GNA11: variants seen among roughly 807,000 people sequenced by gnomAD.
GNA11 encodes the protein G protein subunit alpha 11.
In GNA11, 8 loss-of-function variants were observed where a neutral mutation model predicts 38.2. The observed-to-expected ratio is 0.21, with a 90% CI of 0.12 to 0.38. The LOEUF is 0.38. Ranked by LOEUF, GNA11 falls within the 10% of genes least tolerant of loss-of-function variation. The pLI, the probability that GNA11 is intolerant of heterozygous loss-of-function variation, is 1.00. For missense variants in GNA11, 268 were observed against 516.3 expected (o/e 0.52, Z 4.66); for synonymous variants, 211 against 221.4 (o/e 0.95, Z 0.42).
intron 1 of GNA11, among the ~76,000 whole-genome samples, chr19:3,101,884 A>G (rs1365352890): frequency 6.6e-6 from 1 of 152,154 alleles, no homozygotes; most frequent in African/African-American, 2.4e-5. Context: ...ACTCAAGTCC[A>G]GGAGTTCGAG....
rs766426049 is a variant in GNA11, at chr19:3,118,925, A to T, written c.607A>T (p.Met203Leu). 2 of 1,613,724 alleles carry T rather than the reference A, an allele frequency of 1.2e-6. No homozygotes were observed. The highest frequency in any genetic ancestry group is 2.2e-5 in the East Asian group (1 of 44,870). Residue 203 changes from methionine to leucine, a missense_variant and splice_region_variant, in exon 5 of 7, where the codon ATG (methionine) becomes TTG (leucine). Physicochemically the swap from Met to Leu is conservative, Grantham distance 15. Transcript: ENST00000078429. ...AGTCCTGGCGCTGTGTCCTTTCAGGATGGTGGATGTGGGGGGCCAGCGGTC... is the reference window on the plus strand; with the variant it reads ...AGTCCTGGCGCTGTGTCCTTTCAGGTTGGTGGATGTGGGGGGCCAGCGGTC... ...PFDLENIIFR[M>L]VDVGGQRSER...
At chr19:3,114,523 G>A (rs540341597) in intron 3 of GNA11, among the ~76,000 whole-genome samples, 178 of 152,278 alleles carry the variant, frequency 1.2e-3, no homozygotes, top group African/African-American at 4.1e-3. Context: ...AGCCTCTGCA[G>A]CTGCGACTCT....
In GNA11 at chr19:3,121,511, C is replaced by T. The variant is rs1426186720; in HGVS notation, c.*332C>T. On this transcript the variant is annotated 3_prime_UTR_variant, in exon 7 of 7. Transcript: ENST00000078429. Reference sequence around the variant, plus strand: ...AGCAACGAAACATAAAACACACAAGCGCCCCGTGCCCCCAGTGACTCTGGG... The same window carrying T: ...AGCAACGAAACATAAAACACACAAGTGCCCCGTGCCCCCAGTGACTCTGGG... The T allele has an allele frequency of 1.3e-5, 3 of 235,498 alleles. No individual in the cohort carries two copies. Among genetic ancestry groups the T allele is most frequent in the Non-Finnish European group, 8.3e-6 (1 of 120,210 alleles). 14.6% of individuals were successfully genotyped at this position (235,498 alleles called of 1,614,324 possible).
chr19:3,112,032 C>T (rs1288272583), intron 2 of GNA11, among the ~76,000 whole-genome samples: 1 of 152,202 alleles, frequency 6.6e-6, no homozygotes, highest in Non-Finnish European at 1.5e-5. Flanking sequence ...CTGATTTTGT[C>T]GATAAAGTTT....
At chr19:3,105,933 C>G (rs78555770) in intron 1 of GNA11, among the ~76,000 whole-genome samples, 31 of 152,172 alleles carry the variant, frequency 2.0e-4, no homozygotes, top group African/African-American at 7.2e-4. Context: ...CGGCAAGGGG[C>G]TGTGGACGAG....
At chr19:3,104,829 G>A (rs1385603115) in intron 1 of GNA11, among the ~76,000 whole-genome samples, 1 of 152,230 alleles carries the variant, frequency 6.6e-6, no homozygotes, top group African/African-American at 2.4e-5. Context: ...CCTGTGCTGT[G>A]GGGGTGCTGG....
rs189972434 is a variant in GNA11 at position 3,114,007 on chromosome 19, G to A, written c.476+523G>A. Among the ~76,000 whole-genome samples the A allele has an allele frequency of 2.2e-3, 331 of 152,274 alleles. 3 individuals are homozygous for A. Among genetic ancestry groups the A allele is most frequent in the African/African-American group, 7.7e-3 (320 of 41,556 alleles). On this transcript the variant is annotated intron_variant, in intron 3 of 6. Transcript: ENST00000078429. Reference sequence around the variant, plus strand: ...ACAGGTGGCCGGGCCATGGCCGCAGGTGGAGGCCCCCGCGTGGCAGGCTGT... The same window carrying A: ...ACAGGTGGCCGGGCCATGGCCGCAGATGGAGGCCCCCGCGTGGCAGGCTGT...
At position 3,121,444 on chromosome 19, in the gene GNA11, C is replaced by T. The variant is rs763700217; in HGVS notation, c.*265C>T. On this transcript the variant is annotated 3_prime_UTR_variant, in exon 7 of 7. Transcript: ENST00000078429. ...CTTTTTCTGGCCTTGACTTATGGCT[C>T]GCTTTTTTCTAAAAAAAAAAAAAAA... 5.2e-4 allele frequency: 149 copies of T among 284,182 alleles called. No individual in the cohort carries two copies. Among genetic ancestry groups the T allele is most frequent in the Non-Finnish European group, 5.2e-4 (82 of 157,118 alleles). 17.6% of individuals were successfully genotyped at this position (284,182 alleles called of 1,614,324 possible).
Position 3,120,794 on chromosome 19 carries a change from C to T in GNA11, c.890-195C>T, listed in dbSNP as rs894406855. On this transcript the variant is annotated intron_variant, in intron 6 of 6. Coordinates refer to ENST00000078429, the MANE Select transcript of GNA11 (RefSeq NM_002067.5). The surrounding 1 kb of genome is among the most constrained non-coding windows in gnomAD (Gnocchi z 5.9). ...GGGCCGTGACAGTAGTGCCCTGGGG[C>T]TACAGTGGGATTGGCACCGCAGCTC... Among the ~76,000 whole-genome samples, 2 of 152,112 alleles carry T rather than the reference C, an allele frequency of 1.3e-5. No homozygotes were observed. Among genetic ancestry groups the T allele is most frequent in the Admixed American group, 1.3e-4 (2 of 15,284 alleles).
chr19:3,097,572 C>A (rs552363432), intron 1 of GNA11, among the ~76,000 whole-genome samples: 1 of 152,230 alleles, frequency 6.6e-6, no homozygotes, highest in Admixed American at 6.5e-5. Context: ...AAGAACGCCG[C>A]GTCTGCTCGC....
chr19:3,106,050 C>G lies in GNA11; in HGVS notation c.137-4099C>G, dbSNP rs553789296. Among the ~76,000 whole-genome samples, 3 of 152,280 alleles carry G rather than the reference C, an allele frequency of 2.0e-5. No individual in the cohort carries two copies. In the South Asian group the frequency reaches 6.2e-4, roughly 32 times the overall value. On this transcript the variant is annotated intron_variant, in intron 1 of 6. Transcript: ENST00000078429. Reference sequence around the variant, plus strand: ...GTTGAAGATTTTGGAGCCAAAAGAGCGTTCCAGCTCAGATGTCTTTCAGGT... The same window carrying G: ...GTTGAAGATTTTGGAGCCAAAAGAGGGTTCCAGCTCAGATGTCTTTCAGGT...
chr19:3,096,880 G>C lies in GNA11; in HGVS notation c.136+2093G>C, dbSNP rs563885511. ...CACGCAGAGAGCCGGGGCTGTCAGG[G>C]GGTTGGGAGGGCTTCACACCCAAGG... On this transcript the variant is annotated intron_variant, in intron 1 of 6. Coordinates refer to ENST00000078429, the MANE Select transcript of GNA11 (RefSeq NM_002067.5). Among the ~76,000 whole-genome samples, 173 of 152,330 alleles carry C rather than the reference G, an allele frequency of 1.1e-3. 1 individual carries two copies. Among genetic ancestry groups the C allele is most frequent in the Admixed American group, 4.8e-3 (73 of 15,300 alleles).
Position 3,121,552 on chromosome 19 carries a change from G to A in GNA11, c.*373G>A, listed in dbSNP as rs536875332. 2 of 232,186 alleles carry A rather than the reference G, an allele frequency of 8.6e-6. No homozygotes were observed. Among genetic ancestry groups the A allele is most frequent in the East Asian group, 1.2e-4 (2 of 16,396 alleles). 14.4% of individuals were successfully genotyped at this position (232,186 alleles called of 1,614,324 possible). On this transcript the variant is annotated 3_prime_UTR_variant, in exon 7 of 7. Transcript: ENST00000078429. The stretch of plus-strand genomic sequence containing the variant: ...TGACTCTGGGCCTCACAGAGCCCCC[G>A]CCAGCCAGCATGGGGCCCCGCCCTG...
At chr19:3,116,374 C>T (rs1423808075) in intron 4 of GNA11, among the ~76,000 whole-genome samples, 9 of 152,184 alleles carry the variant, frequency 5.9e-5, no homozygotes, top group African/African-American at 1.9e-4. Context: ...GGCTGAGATG[C>T]AGGTGTGGGC....
chr19:3,118,537 C>G (rs1266200477), intron 4 of GNA11: 1 of 212,308 alleles, frequency 4.7e-6, no homozygotes, highest in Non-Finnish European at 9.6e-6. Flanking sequence ...CATCTGTGTC[C>G]CTGGCCCAGT....
In GNA11 at chr19:3,110,735, C is replaced by T. The variant is rs1913755180; in HGVS notation, c.321+402C>T. ...GAGCAGCCTACCAGGCACCTCGTTT[C>T]GGCCCTGACACTCACCCATGGGGCT... On this transcript the variant is annotated intron_variant, in intron 2 of 6. Transcript: ENST00000078429. The surrounding 1 kb of genome is among the most constrained non-coding windows in gnomAD (Gnocchi z 5.4). 1.3e-5 allele frequency among the ~76,000 whole-genome samples: 2 copies of T among 152,224 alleles called. No individual in the cohort carries two copies. The highest frequency in any genetic ancestry group is 1.9e-4 in the East Asian group (1 of 5,202).
At chr19:3,097,058 G>T (rs7260301) in intron 1 of GNA11, among the ~76,000 whole-genome samples, 6,230 of 152,246 alleles carry the variant, frequency 0.041, 393 homozygotes, top group African/African-American at 0.14. Context: ...GTGCAGGGGA[G>T]GGGACCTCTG....
chr19:3,102,986 G>C (rs1479157199), intron 1 of GNA11, among the ~76,000 whole-genome samples: 4 of 152,148 alleles, frequency 2.6e-5, no homozygotes, highest in Non-Finnish European at 4.4e-5. Context: ...CCTTGCTCCC[G>C]GTGTGTGCAC....
At chr19:3,115,328 C>T (rs554925147) in intron 4 of GNA11, 5 of 417,962 alleles carry the variant, frequency 1.2e-5, no homozygotes, top group Admixed American at 4.2e-5. Flanking sequence ...TCGCTCAAGC[C>T]CAGGAGGTTG....
Sources: gnomAD v4.1 joint callset for allele counts (sites outside exome capture counted in the v4.1 genomes callset) on GRCh38, gnomAD v4.1.1 for gene constraint, Gnocchi (gnomAD v3.1) non-coding constraint, MANE v1.5 for transcripts, NCBI Gene and HGNC (gene_info 2026-07-23, HGNC 2026-07-21) for gene names.